The following INTS4 variants were observed in gnomAD, a reference collection of about 807,000 sequenced individuals.
The protein encoded by INTS4 is integrator complex subunit 4, also known as MSTP093.
A neutral mutation model predicts 119.5 loss-of-function variants in INTS4; 70 were observed. The ratio of observed to expected loss-of-function variants is 0.59; its 90% CI spans 0.48 to 0.71. INTS4 has a LOEUF of 0.71. INTS4 is among the 30% of genes least tolerant of loss of function. The probability of loss-of-function intolerance (pLI) is 0.00; values close to 1 mark genes in which losing one functional copy is unlikely to be tolerated. For missense variants in INTS4, 867 were observed against 1,173.2 expected, an observed-to-expected ratio of 0.74 and a Z score of 3.81; for synonymous variants, 316 against 419.6, an observed-to-expected ratio of 0.75 and a Z score of 3.02.
At chr11:77,929,890 A>C (rs1214806476) in intron 10 of INTS4, among the ~76,000 whole-genome samples, 1 of 152,146 alleles carries the variant, frequency 6.6e-6, no homozygotes, top group Non-Finnish European at 1.5e-5. Flanking sequence ...GCATATTTTA[A>C]GGGCTCAGTA....
At chr11:77,967,728 T>C (rs1021610642) in intron 4 of INTS4, among the ~76,000 whole-genome samples, 2 of 151,938 alleles carry the variant, frequency 1.3e-5, no homozygotes, top group African/African-American at 4.8e-5. Flanking sequence ...AAACTGAAAA[T>C]ATCAGATAAA....
At chr11:77,917,326 T>G (rs1953227539) in intron 15 of INTS4, among the ~76,000 whole-genome samples, 1 of 151,836 alleles carries the variant, frequency 6.6e-6, no homozygotes, top group Admixed American at 6.6e-5. Context: ...TTTCTTTTTT[T>G]TTTTTGAGAT....
intron 21 of INTS4, among the ~76,000 whole-genome samples, chr11:77,890,619 G>C (rs994046028): frequency 1.3e-5 from 2 of 152,100 alleles, no homozygotes; most frequent in Non-Finnish European, 2.9e-5. Context: ...ATAATTGCCT[G>C]CCCATTTGTA....
intron 15 of INTS4, among the ~76,000 whole-genome samples, chr11:77,916,231 T>C (rs1290408960): frequency 6.6e-6 from 1 of 152,216 alleles, no homozygotes; most frequent in Non-Finnish European, 1.5e-5. Context: ...GGAGATACAT[T>C]CTGAGACATA....
intron 4 of INTS4, among the ~76,000 whole-genome samples, chr11:77,974,444 T>C (rs192335347): frequency 2.9e-4 from 44 of 152,076 alleles, no homozygotes; most frequent in African/African-American, 9.2e-4. Flanking sequence ...GGTTTCACCA[T>C]GTTGGTCAGG....
At chr11:77,938,474 T>C (rs1484112826) in intron 10 of INTS4, among the ~76,000 whole-genome samples, 177 bp downstream of exon 10, 1 of 152,194 alleles carries the variant, frequency 6.6e-6, no homozygotes, top group African/African-American at 2.4e-5. Flanking sequence ...CTCTTTACCA[T>C]TGTCTCATAC....
At chr11:77,922,675 A>G in intron 12 of INTS4, 2 of 755,678 alleles carry the variant, frequency 2.6e-6, no homozygotes, top group South Asian at 3.8e-5. Context: ...TTATAAAGAT[A>G]AAAGAACTGG....
intron 2 of INTS4, among the ~76,000 whole-genome samples, chr11:77,981,970 G>A (rs969113672): frequency 6.6e-6 from 1 of 151,956 alleles, no homozygotes; most frequent in African/African-American, 2.4e-5. Flanking sequence ...GGCATTAAAA[G>A]CACCTGACCT....
At chr11:77,919,513 T>G (rs1022756521) in intron 14 of INTS4, among the ~76,000 whole-genome samples, 7 of 152,316 alleles carry the variant, frequency 4.6e-5, no homozygotes, top group Non-Finnish European at 8.8e-5. Flanking sequence ...CTCGAACTCC[T>G]GACCACAGGT....
chr11:77,909,067 A>ACAACAAAT (rs1953030084), intron 15 of INTS4, among the ~76,000 whole-genome samples: 1 of 152,238 alleles, frequency 6.6e-6, no homozygotes, highest in Non-Finnish European at 1.5e-5. Context: ...TTCCATGCTT[A>ACAACAAAT]CAACAAATTG....
At chr11:77,979,679 A>AG (rs1384426937) in intron 3 of INTS4, among the ~76,000 whole-genome samples, 1 of 143,842 alleles carries the variant, frequency 7.0e-6, no homozygotes, top group Non-Finnish European at 1.5e-5. Context: ...ACTAAGAAAC[A>AG]GAAAAAAAAA....
chr11:77,946,383 TCTA>T (rs1262218366), intron 8 of INTS4, among the ~76,000 whole-genome samples: 2 of 152,186 alleles, frequency 1.3e-5, no homozygotes. Flanking sequence ...GAGCAACTAC[TCTA>T]CTAAATGCAC....
At chr11:77,875,337 T>G (rs188341940), downstream of INTS4, among the ~76,000 whole-genome samples, 4 of 152,206 alleles carry the variant, frequency 2.6e-5, no homozygotes, top group Non-Finnish European at 5.9e-5. Context: ...AGTGAGGATG[T>G]AGAAGTTGCA....
chr11:77,946,888 C>T (rs1053679036), intron 8 of INTS4, among the ~76,000 whole-genome samples: 3 of 115,750 alleles, frequency 2.6e-5, no homozygotes, highest in Non-Finnish European at 3.5e-5. Context: ...AGAATACAGA[C>T]AAACAATTAA....
At chr11:77,969,720 C>T (rs1405480714) in intron 4 of INTS4, among the ~76,000 whole-genome samples, 2 of 150,734 alleles carry the variant, frequency 1.3e-5, no homozygotes, top group Non-Finnish European at 2.9e-5. Context: ...ACCATCACCA[C>T]AGTCAGTTTT....
At chr11:77,937,988 C>T (rs1295867579) in intron 10 of INTS4, among the ~76,000 whole-genome samples, 5 of 152,080 alleles carry the variant, frequency 3.3e-5, no homozygotes, top group Non-Finnish European at 7.4e-5. Context: ...GCTGAGATTA[C>T]AGGTGTATGC....
chr11:77,981,055 C>G (rs1856192360), intron 3 of INTS4, among the ~76,000 whole-genome samples: 1 of 151,672 alleles, frequency 6.6e-6, no homozygotes, highest in Non-Finnish European at 1.5e-5. Context: ...TCAGTGTAAG[C>G]TGAAATAATC....
chr11:77,987,433 A>C (rs1472427522), intron 2 of INTS4: 1 of 249,312 alleles, frequency 4.0e-6, no homozygotes, highest in African/African-American at 2.4e-5. Flanking sequence ...AAGCAATATA[A>C]TGTTAACTGC....
intron 4 of INTS4, among the ~76,000 whole-genome samples, chr11:77,970,367 C>G (rs1427432113): frequency 6.6e-6 from 1 of 151,756 alleles, no homozygotes; most frequent in African/African-American, 2.4e-5. Context: ...CCACTGCACT[C>G]CAGCTTGGGT....
Sources: gnomAD v4.1 joint callset for allele counts (sites outside exome capture counted in the v4.1 genomes callset) on GRCh38, gnomAD v4.1.1 for gene constraint, MANE v1.5 for transcripts, NCBI Gene and HGNC (gene_info 2026-07-23, HGNC 2026-07-21) for gene names.